The following AFF3 variants were observed in gnomAD, a reference collection of about 807,000 sequenced individuals.
AFF3 encodes the protein AF4/FMR2 family member 3.
In AFF3, 32 loss-of-function variants were observed where a neutral mutation model predicts 129.7. That is an observed-to-expected ratio of 0.25 (90% CI 0.19 to 0.33). The LOEUF (loss-of-function observed/expected upper bound fraction) is 0.33. Among genes scored for constraint, AFF3 ranks in the 10% least tolerant of loss-of-function variants. The pLI, the probability that AFF3 is intolerant of heterozygous loss-of-function variation, is 1.00. For synonymous variants in AFF3, 644 were observed against 635.4 expected (o/e 1.01, Z -0.20); for missense variants, 1,373 against 1,592.0 (o/e 0.86, Z 2.34).
intron 4 of AFF3, among the ~76,000 whole-genome samples, chr2:100,045,347 A>G (rs1685750189): frequency 6.6e-6 from 1 of 152,178 alleles, no homozygotes; most frequent in African/African-American, 2.4e-5. Context: ...GGCACAGAAA[A>G]CAGACAAGCA....
chr2:99,589,676 G>A (rs974514864), intron 15 of AFF3, among the ~76,000 whole-genome samples: 3 of 151,796 alleles, frequency 2.0e-5, no homozygotes. Context: ...TGTGATTATA[G>A]GAGTAAGCCA....
chr2:99,795,777 G>C (rs1397624657), intron 8 of AFF3, among the ~76,000 whole-genome samples: 1 of 151,248 alleles, frequency 6.6e-6, no homozygotes, highest in Non-Finnish European at 1.5e-5. Context: ...CTGCCCTCCA[G>C]GTGGTTGAAA....
chr2:99,848,376 C>T (rs1689890240), intron 7 of AFF3, among the ~76,000 whole-genome samples: 1 of 152,208 alleles, frequency 6.6e-6, no homozygotes, highest in Admixed American at 6.5e-5. Context: ...ATTCCTGCTT[C>T]AATGCCACCT....
chr2:99,967,853 G>T (rs1677944520), intron 7 of AFF3, among the ~76,000 whole-genome samples: 1 of 152,210 alleles, frequency 6.6e-6, no homozygotes, highest in Non-Finnish European at 1.5e-5. Flanking sequence ...ACCTGTGTGT[G>T]CCTACGCTCT....
intron 24 of AFF3, among the ~76,000 whole-genome samples, chr2:99,553,439 T>C (rs777361117): frequency 6.6e-6 from 1 of 152,212 alleles, no homozygotes; most frequent in African/African-American, 2.4e-5. Context: ...ATAGTTTGCA[T>C]TTCATGGAGT....
At chr2:99,686,172 A>G (rs1276114238) in intron 11 of AFF3, among the ~76,000 whole-genome samples, 1 of 152,166 alleles carries the variant, frequency 6.6e-6, no homozygotes, top group Non-Finnish European at 1.5e-5. Flanking sequence ...CCTGGGCGAC[A>G]CAGCGAGACT....
rs58303232 is a variant in AFF3, at chr2:99,724,271, C to CTTTTTTTTTTTTTTTTTTTTTTTTTT, written c.1091+2805_1091+2806insAAAAAAAAAAAAAAAAAAAAAAAAAA. 7.5e-5 allele frequency among the ~76,000 whole-genome samples: 5 copies of CTTTTTTTTTTTTTTTTTTTTTTTTTT among 66,864 alleles called. 1 individual carries two copies. Among genetic ancestry groups the CTTTTTTTTTTTTTTTTTTTTTTTTTT allele is most frequent in the Admixed American group, 4.9e-4 (2 of 4,064 alleles). 43.9% of individuals were successfully genotyped at this position (66,864 alleles called of 152,430 possible). A position where few individuals can be genotyped will look rare whatever the true frequency, so the allele number is the denominator to read the frequency against. On this transcript the variant is annotated intron_variant, in intron 11 of 24. Coordinates refer to ENST00000672756, the MANE Select transcript of AFF3 (RefSeq NM_001386135.1). ...TCCTCACTTCAGTGGAATGACCTTT[C>CTTTTTTTTTTTTTTTTTTTTTTTTTT]TTTTTTTTTTTTTTTTTTTGAGACA... is the stretch of plus-strand genomic sequence containing the variant.
At chr2:99,916,314 T>C (rs1180208352) in intron 7 of AFF3, among the ~76,000 whole-genome samples, 5 of 152,206 alleles carry the variant, frequency 3.3e-5, no homozygotes, top group Non-Finnish European at 5.9e-5. Context: ...CACCCTGTTT[T>C]GGTTTTTGCA....
chr2:99,958,269 G>A (rs1010325594), intron 7 of AFF3, among the ~76,000 whole-genome samples: 6 of 152,102 alleles, frequency 3.9e-5, no homozygotes, highest in African/African-American at 4.8e-5. Context: ...GAAGTGGGCA[G>A]ATCACTTAAG....
At chr2:99,954,081 T>C (rs1308172628) in intron 7 of AFF3, among the ~76,000 whole-genome samples, 1 of 152,164 alleles carries the variant, frequency 6.6e-6, no homozygotes, top group Admixed American at 6.5e-5. Flanking sequence ...TATGTGTGAA[T>C]GGAGTGATAT....
At chr2:99,931,324 G>C (rs1052383164) in intron 7 of AFF3, among the ~76,000 whole-genome samples, 8 of 152,198 alleles carry the variant, frequency 5.3e-5, no homozygotes, top group African/African-American at 1.9e-4. Context: ...AAAGAATTAG[G>C]CTGGTGCAAA....
At chr2:99,818,256 C>T (rs955577923) in intron 8 of AFF3, among the ~76,000 whole-genome samples, 4 of 152,120 alleles carry the variant, frequency 2.6e-5, no homozygotes, top group African/African-American at 7.2e-5. Context: ...AAATCTAAAA[C>T]ACTTACACTC....
chr2:99,945,400 C>T (rs951065291), intron 7 of AFF3, among the ~76,000 whole-genome samples: 5 of 152,168 alleles, frequency 3.3e-5, no homozygotes, highest in Admixed American at 6.5e-5. Flanking sequence ...GTCAAAGAGC[C>T]TCCCTGGGTC....
At chr2:99,904,102 T>C (rs529998322) in intron 7 of AFF3, among the ~76,000 whole-genome samples, 1 of 152,262 alleles carries the variant, frequency 6.6e-6, no homozygotes, top group East Asian at 1.9e-4. Context: ...GGAAACTAGA[T>C]ACGTCATTTC....
chr2:99,955,573 T>C (rs1676564150), intron 7 of AFF3, among the ~76,000 whole-genome samples: 1 of 152,244 alleles, frequency 6.6e-6, no homozygotes, highest in Admixed American at 6.5e-5. Flanking sequence ...TCCACAGGAT[T>C]GACTTTTGCT....
chr2:99,646,126 A>G (rs1684666807), intron 13 of AFF3, among the ~76,000 whole-genome samples: 1 of 152,228 alleles, frequency 6.6e-6, no homozygotes, highest in Non-Finnish European at 1.5e-5. Context: ...ACCAACCCCA[A>G]GTCAATGAAA....
At chr2:99,872,207 C>CAAAAAAAA (rs397871895) in intron 7 of AFF3, among the ~76,000 whole-genome samples, 1 of 61,780 alleles carries the variant, frequency 1.6e-5, no homozygotes, top group South Asian at 9.2e-4. Flanking sequence ...GACTCCATCT[C>CAAAAAAAA]AAAAAAAAAA....
intron 12 of AFF3, among the ~76,000 whole-genome samples, chr2:99,660,203 T>A (rs937293965): frequency 6.6e-6 from 1 of 152,226 alleles, no homozygotes; most frequent in African/African-American, 2.4e-5. Context: ...TTGAGTAATA[T>A]GAAAGCAACT....
chr2:100,063,077 C>G (rs561599941), intron 4 of AFF3, among the ~76,000 whole-genome samples: 8 of 152,042 alleles, frequency 5.3e-5, no homozygotes, highest in East Asian at 3.9e-4. Context: ...ATGGTGAAAC[C>G]CCGTCTCTAC....
Sources: gnomAD v4.1 joint callset for allele counts (sites outside exome capture counted in the v4.1 genomes callset) on GRCh38, gnomAD v4.1.1 for gene constraint, MANE v1.5 for transcripts, NCBI Gene and HGNC (gene_info 2026-07-23, HGNC 2026-07-21) for gene names.